ZNF518A: variants seen among roughly 807,000 people sequenced by gnomAD.
ZNF518A encodes the protein zinc finger protein 518.
A neutral mutation model predicts 102.7 loss-of-function variants in ZNF518A; 47 were observed. The ratio of observed to expected loss-of-function variants is 0.46; its 90% CI spans 0.36 to 0.58. ZNF518A has a LOEUF of 0.58. Among genes scored for constraint, ZNF518A ranks in the 20% least tolerant of loss-of-function variants. ZNF518A has a pLI of 0.00. For synonymous variants in ZNF518A, 652 were observed against 594.6 expected (o/e 1.10, Z -1.40); for missense variants, 1,793 against 1,699.8 (o/e 1.05, Z -0.96).
chr10:96,164,264 C>T (rs2083100041), downstream of ZNF518A, among the ~76,000 whole-genome samples: 1 of 152,184 alleles, frequency 6.6e-6, no homozygotes, highest in Non-Finnish European at 1.5e-5. Flanking sequence ...TTCCTTTTCA[C>T]CATTGACATC....
chr10:96,135,329 C>T (rs2081544656), intron 3 of ZNF518A: 1 of 152,138 alleles, frequency 6.6e-6, no homozygotes, highest in Admixed American at 6.5e-5. Context: ...TGTGAACTAT[C>T]CTGGTGTCCT....
intron 3 of ZNF518A, among the ~76,000 whole-genome samples, chr10:96,154,142 G>A (rs2082582350): frequency 6.6e-6 from 1 of 152,072 alleles, no homozygotes; most frequent in Non-Finnish European, 1.5e-5. Context: ...CCCAGCCTGG[G>A]CAACATGGCG....
At chr10:96,179,924 G>T (rs2083229668) in intron 1 of ZNF518A, among the ~76,000 whole-genome samples, 2 of 146,104 alleles carry the variant, frequency 1.4e-5, no homozygotes, top group African/African-American at 2.6e-5. Flanking sequence ...TCTAGCTCAG[G>T]CTGGAGTGCA....
downstream of ZNF518A, chr10:96,204,401 A>G (rs2242137): frequency 0.42 from 451,573 of 1,068,148 alleles, 97,634 homozygotes; most frequent in Middle Eastern, 0.56. Flanking sequence ...TTTAACACGT[A>G]ACTGCAAAAC....
chr10:96,154,848 T>A (rs1365001724), intron 3 of ZNF518A, among the ~76,000 whole-genome samples: 2 of 152,208 alleles, frequency 1.3e-5, no homozygotes, highest in Non-Finnish European at 2.9e-5. Context: ...ATTGGTACCC[T>A]TCTGATTAAT....
At chr10:96,144,380 A>G (rs1345967322) in intron 3 of ZNF518A, among the ~76,000 whole-genome samples, 1 of 152,160 alleles carries the variant, frequency 6.6e-6, no homozygotes, top group Non-Finnish European at 1.5e-5. Context: ...GTATAATTTC[A>G]TGTGGATGTT....
chr10:96,204,121 A>C (rs1310852656), exon 3 of ZNF518A: 2 of 1,612,504 alleles, frequency 1.2e-6, no homozygotes, highest in African/African-American at 2.7e-5. Context: ...ATTAAAGGAC[A>C]AAGCACAATA....
At chr10:96,167,016 CTG>C (rs1470841477), downstream of ZNF518A, among the ~76,000 whole-genome samples, 1 of 152,190 alleles carries the variant, frequency 6.6e-6, no homozygotes, top group Non-Finnish European at 1.5e-5. Context: ...ATGCAGAGAT[CTG>C]TGTTACCTAA....
intron 1 of ZNF518A, among the ~76,000 whole-genome samples, chr10:96,131,022 T>C (rs1306710867): frequency 6.6e-6 from 1 of 152,370 alleles, no homozygotes; most frequent in East Asian, 1.9e-4. Flanking sequence ...GTTTTCTTTT[T>C]AGGTTTAAAT....
chr10:96,175,879 CTTCCTTCCTT>C (rs1188867415), intron 1 of ZNF518A, among the ~76,000 whole-genome samples: 1 of 101,076 alleles, frequency 9.9e-6, no homozygotes, highest in Non-Finnish European at 2.0e-5. Flanking sequence ...CCCTCCCTCC[CTTCCTTCCTT>C]CCTTCCTTCC....
intron 3 of ZNF518A, among the ~76,000 whole-genome samples, chr10:96,144,381 T>C (rs930391022): frequency 6.6e-6 from 1 of 152,226 alleles, no homozygotes; most frequent in Non-Finnish European, 1.5e-5. Flanking sequence ...TATAATTTCA[T>C]GTGGATGTTC....
chr10:96,158,635 G>A lies in ZNF518A; in HGVS notation c.2313G>A (p.Gln771=), dbSNP rs375658341. 82 of 1,613,198 alleles carry A rather than the reference G, an allele frequency of 5.1e-5. No individual in the cohort carries two copies. The highest frequency in any genetic ancestry group is 6.3e-5 in the Non-Finnish European group (74 of 1,179,658). ...MPRITSVFSL[Q]SQQASEFLPP... is the part of the protein sequence containing the mutation. ...GAATCACATCTGTTTTCTCTCTCCA[G>A]AGCCAACAGGCATCAGAATTTCTGC... The change falls in exon 6 of 6, where the codon CAG becomes CAA. Residue 771 remains glutamine (Q), a synonymous_variant. Coordinates refer to ENST00000316045, the MANE Select transcript of ZNF518A (RefSeq NM_001330736.2).
downstream of ZNF518A, among the ~76,000 whole-genome samples, chr10:96,165,729 A>AG (rs1317683219): frequency 2.6e-5 from 4 of 152,308 alleles, no homozygotes; most frequent in East Asian, 7.7e-4. Flanking sequence ...AAAGGTACAG[A>AG]GGTTCTGTTC....
intron 1 of ZNF518A, chr10:96,203,542 G>C (rs1161849871): frequency 6.6e-6 from 1 of 152,224 alleles, no homozygotes; most frequent in Non-Finnish European, 1.5e-5. Context: ...TACGTTCTGT[G>C]AGCCTGACTT....
At chr10:96,172,945 T>C (rs1300424942) in intron 1 of ZNF518A, among the ~76,000 whole-genome samples, 1 of 152,174 alleles carries the variant, frequency 6.6e-6, no homozygotes, top group Non-Finnish European at 1.5e-5. Context: ...CATCTGCAGA[T>C]TCAATCAATC....
At position 96,160,755 on chromosome 10, in the gene ZNF518A, A is replaced by T; in HGVS notation, c.4433A>T (p.Asp1478Val). Residue 1478 changes from aspartate to valine, a missense_variant, in exon 6 of 6, where the codon GAT (aspartate) becomes GTT (valine). Around this residue, in one of 3 missense-constraint regions of ZNF518A, gnomAD observed 22 missense variants for 16.0 expected, o/e 1.37. Transcript: ENST00000316045. Reference sequence around the variant, plus strand: ...AGACATTTAATGGAAGCTACTCGGGATTGGAACATGTTAGAATAGTTTACC... The same window carrying T: ...AGACATTTAATGGAAGCTACTCGGGTTTGGAACATGTTAGAATAGTTTACC... ...GQRHLMEATR[D>V]WNMLE is the part of the protein sequence containing the mutation. 6.3e-7 allele frequency: 1 copy of T among 1,590,262 alleles called. No individual in the cohort carries two copies. The highest frequency in any genetic ancestry group is 8.5e-7 in the Non-Finnish European group (1 of 1,171,658).
intron 3 of ZNF518A, among the ~76,000 whole-genome samples, chr10:96,146,670 A>G (rs1554878631): frequency 6.6e-6 from 1 of 152,234 alleles, no homozygotes; most frequent in Admixed American, 6.5e-5. Context: ...GATAAAACAA[A>G]TATCTGCATA....
chr10:96,182,762 A>G (rs1554892154), intron 1 of ZNF518A, among the ~76,000 whole-genome samples: 1 of 152,226 alleles, frequency 6.6e-6, no homozygotes, highest in South Asian at 2.1e-4. Flanking sequence ...ATCGATATTC[A>G]TCAAGGCTAT....
downstream of ZNF518A, among the ~76,000 whole-genome samples, chr10:96,166,459 A>G (rs1201121662): frequency 6.6e-6 from 1 of 152,148 alleles, no homozygotes; most frequent in Non-Finnish European, 1.5e-5. Flanking sequence ...TCCAATAGAT[A>G]ACCAGAAGCT....
Sources: allele counts gnomAD v4.1 joint callset (sites outside exome capture counted in the v4.1 genomes callset), GRCh38; gene constraint gnomAD v4.1.1; regional missense constraint gnomAD v4.1.1; transcripts MANE v1.5; gene names NCBI Gene and HGNC (gene_info 2026-07-23, HGNC 2026-07-21).